Variants in CFAP54 observed in about 807,000 individuals in gnomAD.
CFAP54 encodes cilia and flagella associated protein 54, also known as cilia- and flagella-associated protein 54.
A neutral mutation model predicts 370.4 loss-of-function variants in CFAP54; 290 were observed. That is an observed-to-expected ratio of 0.78 (90% confidence interval 0.71 to 0.86). The LOEUF is 0.86. Among genes scored for constraint, CFAP54 ranks in the 40% least tolerant of loss-of-function variants. The pLI is 0.00. For missense variants in CFAP54, 3,399 were observed against 3,528.7 expected (o/e 0.96, Z 0.93); for synonymous variants, 1,206 against 1,236.5 (o/e 0.98, Z 0.52).
rs568928052 is a variant in CFAP54 at position 96,770,644 on chromosome 12, A to G, written c.8281+5426A>G. On this transcript the variant is annotated intron_variant, in intron 60 of 67. Transcript: ENST00000524981. ...CATCAAGATTCACACGACAGCAGAA[A>G]GCTATGACTCAGGAAGTGCCAGATA... Among the ~76,000 whole-genome samples, 7 of 152,348 alleles carry G rather than the reference A, an allele frequency of 4.6e-5. No individual in the cohort carries two copies. The South Asian group carries it at 8.3e-4, about 18-fold the overall frequency.
chr12:96,801,402 A>G (rs1410210058), intron 63 of CFAP54, among the ~76,000 whole-genome samples: 8 of 152,168 alleles, frequency 5.3e-5, no homozygotes, highest in Non-Finnish European at 1.2e-4. Context: ...CTTTTGAACA[A>G]TTTCAAAATC....
chr12:96,579,232 G>T lies in CFAP54; in HGVS notation c.2797-1365G>T, dbSNP rs576751963. ...TATTCTCCAGCTTCAGGTTCCTTCT[G>T]TGTTCTCTTTGTCCTGTTCTGCCTT... On this transcript the variant is annotated intron_variant, in intron 20 of 67. Coordinates refer to ENST00000524981, the MANE Select transcript of CFAP54 (RefSeq NM_001306084.2). Among the ~76,000 whole-genome samples the T allele has an allele frequency of 3.4e-5, 5 of 148,858 alleles. No individual in the cohort carries two copies. The South Asian group carries it at 6.4e-4, about 19-fold the overall frequency.
chr12:96,841,730 C>T (rs7138120), intron 66 of CFAP54, among the ~76,000 whole-genome samples: 2 of 152,138 alleles, frequency 1.3e-5, no homozygotes, highest in African/African-American at 2.4e-5. Flanking sequence ...TTCGCCCTTG[C>T]GAACAAGTCA....
chr12:96,716,604 G>A (rs1957682549), intron 48 of CFAP54, among the ~76,000 whole-genome samples: 1 of 152,162 alleles, frequency 6.6e-6, no homozygotes, highest in Non-Finnish European at 1.5e-5. Context: ...AACACAGCAA[G>A]GGTTTAGTTC....
intron 50 of CFAP54, among the ~76,000 whole-genome samples, 195 bp from the exon 51 acceptor site, chr12:96,739,761 G>A (rs1182003668): frequency 6.6e-6 from 1 of 152,048 alleles, no homozygotes; most frequent in African/African-American, 2.4e-5. Context: ...CAATACTCAG[G>A]CAATGAAATA....
At chr12:96,616,361 G>A (rs988780997) in intron 26 of CFAP54, among the ~76,000 whole-genome samples, 12 of 151,878 alleles carry the variant, frequency 7.9e-5, no homozygotes, top group African/African-American at 2.2e-4. Context: ...GGGGCCTGTC[G>A]TGGGGTGGTG....
At chr12:96,540,698 A>G in intron 13 of CFAP54, 139 bp from the exon 14 acceptor site, 1 of 438,530 alleles carries the variant, frequency 2.3e-6, no homozygotes, top group East Asian at 3.7e-5. Flanking sequence ...TAAGGCGTTA[A>G]TAAGGAGGGG....
At position 96,621,596 on chromosome 12, in the gene CFAP54, C is replaced by T. The variant is rs1345081413; in HGVS notation, c.3646C>T (p.Arg1216Cys). 1.8e-5 allele frequency: 26 copies of T among 1,453,976 alleles called. No homozygotes were observed. In the Admixed American group the frequency reaches 1.9e-4, roughly 11 times the overall value. The allele number at this position is 1,453,976 out of a possible 1,614,324, so 90.1% of individuals were successfully genotyped here. A position where few individuals can be genotyped will look rare whatever the true frequency, so the allele number is the denominator to read the frequency against. Residue 1216 changes from arginine (R) to cysteine (C), a missense_variant, in exon 27 of 68, where the codon CGT becomes TGT. Arg to Cys is a radical substitution (Grantham distance 180, BLOSUM62 -3). Transcript: ENST00000524981. ...CCIFYITKILRSWREYDLAVM... is the reference protein window; with the variant it reads ...CCIFYITKILCSWREYDLAVM... ...AATAAATATTTTAAATTAGATTCTT[C>T]GTTCATGGAGGGAATATGACCTGGC... is the stretch of plus-strand genomic sequence containing the variant.
In CFAP54 at chr12:96,517,436, C is replaced by T. The variant is rs529204705; in HGVS notation, c.799-1492C>T. The stretch of plus-strand genomic sequence containing the variant: ...TTTTGAAATGTGAAATTTCTAATAC[C>T]AGGAGTCCTGAAGGATTTTAGAAAG... On this transcript the variant is annotated intron_variant, in intron 5 of 67. Coordinates refer to ENST00000524981, the MANE Select transcript of CFAP54 (RefSeq NM_001306084.2). 4.6e-5 allele frequency among the ~76,000 whole-genome samples: 7 copies of T among 152,152 alleles called. No individual in the cohort carries two copies. In the East Asian group the frequency reaches 1.3e-3, roughly 29 times the overall value.
intron 1 of CFAP54, among the ~76,000 whole-genome samples, chr12:96,495,986 A>G (rs2136343638): frequency 6.6e-6 from 1 of 152,284 alleles, no homozygotes; most frequent in South Asian, 2.1e-4. Context: ...ATATTTATTC[A>G]AATACCGTGG....
chr12:96,825,235 C>G (rs1454014146), intron 65 of CFAP54, among the ~76,000 whole-genome samples: 1 of 127,514 alleles, frequency 7.8e-6, no homozygotes, highest in East Asian at 2.4e-4. Context: ...TCTCCCACAT[C>G]TAGGATCCTA....
At chr12:96,625,887 G>A (rs1172428177) in intron 29 of CFAP54, 80 bp downstream of exon 29, 1 of 1,126,930 alleles carries the variant, frequency 8.9e-7, no homozygotes, top group South Asian at 1.5e-5. Context: ...TGTTTCTGTT[G>A]TCTGCTTGAA....
At chr12:96,599,506 T>C (rs1471648607) in intron 26 of CFAP54, among the ~76,000 whole-genome samples, 2 of 152,172 alleles carry the variant, frequency 1.3e-5, no homozygotes, top group African/African-American at 4.8e-5. Flanking sequence ...TGATTTCGAA[T>C]CCTTTGGATA....
intron 66 of CFAP54, among the ~76,000 whole-genome samples, chr12:96,839,946 A>G (rs1959201577): frequency 1.3e-5 from 2 of 152,178 alleles, no homozygotes; most frequent in African/African-American, 4.8e-5. Context: ...AAGAGAACGA[A>G]GTAGATGCTC....
chr12:96,858,210 A>T (rs1659452618), intron 66 of CFAP54, among the ~76,000 whole-genome samples: 1 of 152,156 alleles, frequency 6.6e-6, no homozygotes, highest in African/African-American at 2.4e-5. Context: ...GTGAGATGGT[A>T]TCTCATTGTG....
intron 47 of CFAP54, among the ~76,000 whole-genome samples, chr12:96,706,168 C>A (rs1318099366): frequency 6.6e-6 from 1 of 151,742 alleles, no homozygotes; most frequent in Non-Finnish European, 1.5e-5. Context: ...TTTTAATGGG[C>A]AAGACTAGTA....
intron 22 of CFAP54, among the ~76,000 whole-genome samples, chr12:96,583,222 T>C (rs1165258196): frequency 6.6e-6 from 1 of 152,192 alleles, no homozygotes; most frequent in Admixed American, 6.5e-5. Flanking sequence ...AGGAAACTTT[T>C]TGAATTATCT....
intron 60 of CFAP54, among the ~76,000 whole-genome samples, chr12:96,783,860 T>A (rs1958603613): frequency 6.6e-6 from 1 of 151,722 alleles, no homozygotes; most frequent in Admixed American, 6.6e-5. Context: ...CACTCCAGCC[T>A]GGGCAACAAA....
chr12:96,585,241 A>G (rs1278155818), intron 22 of CFAP54, among the ~76,000 whole-genome samples: 2 of 151,302 alleles, frequency 1.3e-5, no homozygotes, highest in Non-Finnish European at 2.9e-5. Flanking sequence ...GCTTACTGCA[A>G]CCTCCACCTC....
Sources: allele counts gnomAD v4.1 joint callset (sites outside exome capture counted in the v4.1 genomes callset), GRCh38; gene constraint gnomAD v4.1.1; transcripts MANE v1.5; gene names NCBI Gene and HGNC (gene_info 2026-07-23, HGNC 2026-07-21).